Variants in WWOX observed in about 807,000 individuals in gnomAD.
WWOX encodes the protein WW domain-containing oxidoreductase.
WWOX carries 69 observed loss-of-function variants against 46.2 expected under a neutral mutation model. The ratio of observed to expected loss-of-function variants is 1.49; its 90% CI spans 1.23 to 1.82. The LOEUF is 1.82. Ranked by LOEUF, WWOX falls within the 40% of genes most tolerant of loss-of-function variation. WWOX has a pLI of 0.00. For missense variants in WWOX, 919 were observed against 542.6 expected, an observed-to-expected ratio of 1.69 and a Z score of -6.89; for synonymous variants, 359 against 202.6, an observed-to-expected ratio of 1.77 and a Z score of -6.56.
At chr16:78,578,254 T>TATATATATATATA (rs2044941404) in intron 8 of WWOX, among the ~76,000 whole-genome samples, 1 of 31,646 alleles carries the variant, frequency 3.2e-5, no homozygotes, top group Admixed American at 6.6e-4. Flanking sequence ...ATACCAAATT[T>TATATATATATATA]TATATATATA....
At chr16:78,939,334 T>G (rs1018161678) in intron 8 of WWOX, among the ~76,000 whole-genome samples, 1 of 152,196 alleles carries the variant, frequency 6.6e-6, no homozygotes, top group Non-Finnish European at 1.5e-5. Context: ...TGTGTGTCCC[T>G]TACAGATGAT....
At chr16:78,798,503 C>A (rs1015980444) in intron 8 of WWOX, among the ~76,000 whole-genome samples, 3 of 151,532 alleles carry the variant, frequency 2.0e-5, no homozygotes, top group African/African-American at 7.3e-5. Context: ...ACAGCCTGTA[C>A]TTGAGTCCTT....
intron 8 of WWOX, among the ~76,000 whole-genome samples, chr16:78,462,937 C>G (rs527630423): frequency 6.6e-6 from 1 of 152,184 alleles, no homozygotes; most frequent in Non-Finnish European, 1.5e-5. Context: ...CTACAGTAAC[C>G]TTTTCCCACC....
rs577236933 is a variant in WWOX, at chr16:78,193,347, A to G, written c.516+29058A>G. On this transcript the variant is annotated intron_variant, in intron 5 of 8. Coordinates refer to ENST00000566780, the MANE Select transcript of WWOX (RefSeq NM_016373.4). ...AAATAGCACTTCACAAATTTGTTTA[A>G]TGTTTTATCTCAAGCTCCCAGAAGT... 2.4e-3 allele frequency among the ~76,000 whole-genome samples: 365 copies of G among 152,320 alleles called. 1 individual carries two copies. The highest frequency in any genetic ancestry group is 7.3e-3 in the South Asian group (35 of 4,824).
intron 5 of WWOX, among the ~76,000 whole-genome samples, chr16:78,315,114 C>G (rs1284634089): frequency 6.6e-6 from 1 of 152,098 alleles, no homozygotes; most frequent in Non-Finnish European, 1.5e-5. Flanking sequence ...AATTTTGTCA[C>G]TTTTTCTTCT....
At chr16:78,621,833 C>A (rs113050154) in intron 8 of WWOX, among the ~76,000 whole-genome samples, 4,566 of 151,982 alleles carry the variant, frequency 0.03, 248 homozygotes, top group African/African-American at 0.11. Context: ...TCTCGATCTC[C>A]TGACCTCATG....
chr16:78,975,389 A>T (rs895089830), intron 8 of WWOX, among the ~76,000 whole-genome samples: 2 of 151,922 alleles, frequency 1.3e-5, no homozygotes, highest in African/African-American at 4.8e-5. Context: ...CCTTGCAACA[A>T]AATCTTACGT....
chr16:78,368,420 A>C (rs72796015), intron 5 of WWOX, among the ~76,000 whole-genome samples: 15 of 152,154 alleles, frequency 9.9e-5, no homozygotes, highest in African/African-American at 3.6e-4. Flanking sequence ...TCATAAAGTC[A>C]CTGCTGTCCT....
rs542251058 is a variant in WWOX at position 79,183,566 on chromosome 16, C to T, written c.1057-28042C>T. Among the ~76,000 whole-genome samples, 5 of 152,322 alleles carry T rather than the reference C, an allele frequency of 3.3e-5. No homozygotes were observed. In the East Asian group the frequency reaches 9.7e-4, roughly 29 times the overall value. ...TGTGCTAATTTACTGTATTCTTACT[C>T]TCCCTCTCCAGTGCTGTGAGTAAAT... is the stretch of plus-strand genomic sequence containing the variant. On this transcript the variant is annotated intron_variant, in intron 8 of 8. Transcript: ENST00000566780.
chr16:78,572,547 G>A (rs1472322641), intron 8 of WWOX, among the ~76,000 whole-genome samples: 3 of 136,292 alleles, frequency 2.2e-5, no homozygotes, highest in East Asian at 2.2e-4. Flanking sequence ...AGGCTGCAGT[G>A]AGCCATGATT....
intron 4 of WWOX, among the ~76,000 whole-genome samples, chr16:78,163,845 C>T (rs2034878724): frequency 6.6e-6 from 1 of 152,178 alleles, no homozygotes; most frequent in African/African-American, 2.4e-5. Context: ...ATGTCCCAGT[C>T]TTCATCTTTG....
rs1048495280 is a variant in WWOX at position 79,211,894 on chromosome 16, G to A, written c.*98G>A. The A allele has an allele frequency of 6.4e-7, 1 of 1,566,330 alleles. No homozygotes were observed. The highest frequency in any genetic ancestry group is 1.9e-5 in the Admixed American group (1 of 52,876). On this transcript the variant is annotated 3_prime_UTR_variant, in exon 9 of 9. Transcript: ENST00000566780. Reference sequence around the variant, plus strand: ...CCCTTCCAAATGTCCCTCCAACACAGATCCGCAAGAGTAAAGGAAATAAGA... The same window carrying A: ...CCCTTCCAAATGTCCCTCCAACACAAATCCGCAAGAGTAAAGGAAATAAGA...
rs566010974 is a variant in WWOX at position 78,919,898 on chromosome 16, T to C, written c.1057-291710T>C. On this transcript the variant is annotated intron_variant, in intron 8 of 8. Coordinates refer to ENST00000566780, the MANE Select transcript of WWOX (RefSeq NM_016373.4). ...GCAGACCAGTCTGTACAGTTGATTA[T>C]AGATATATTAATGACCACTTCTGAG... Among the ~76,000 whole-genome samples the C allele has an allele frequency of 2.8e-4, 43 of 152,296 alleles. No individual in the cohort carries two copies. The South Asian group carries it at 7.7e-3, about 27-fold the overall frequency.
At chr16:78,197,078 C>T (rs1427669983) in intron 5 of WWOX, among the ~76,000 whole-genome samples, 2 of 152,162 alleles carry the variant, frequency 1.3e-5, no homozygotes, top group African/African-American at 4.8e-5. Flanking sequence ...AGCTCTGCAC[C>T]AGACTCGTAT....
At chr16:78,491,558 G>A (rs970784496) in intron 8 of WWOX, among the ~76,000 whole-genome samples, 17 of 152,116 alleles carry the variant, frequency 1.1e-4, no homozygotes, top group South Asian at 6.2e-4. Flanking sequence ...CGCCTCCCAG[G>A]TTCAAGTGAT....
At chr16:78,369,634 A>G (rs571678969) in intron 5 of WWOX, among the ~76,000 whole-genome samples, 16 of 152,040 alleles carry the variant, frequency 1.1e-4, no homozygotes, top group Admixed American at 1.3e-4. Context: ...CATTTTCATT[A>G]CATACTGTTA....
At chr16:78,630,511 A>T (rs555078311) in intron 8 of WWOX, among the ~76,000 whole-genome samples, 1 of 152,232 alleles carries the variant, frequency 6.6e-6, no homozygotes, top group African/African-American at 2.4e-5. Context: ...TCCCTAATAC[A>T]TTTCTCTGGT....
rs75286814 is a variant in WWOX, at chr16:78,565,775, G to A, written c.1056+133023G>A. Reference sequence around the variant, plus strand: ...GATAACAATATCCTCCAGGCTATCCGCGGAAGTAGAGAATATAAGCTTTAT... The same window carrying A: ...GATAACAATATCCTCCAGGCTATCCACGGAAGTAGAGAATATAAGCTTTAT... On this transcript the variant is annotated intron_variant, in intron 8 of 8. Coordinates refer to ENST00000566780, the MANE Select transcript of WWOX (RefSeq NM_016373.4). Among the ~76,000 whole-genome samples, 815 of 152,230 alleles carry A rather than the reference G, an allele frequency of 5.4e-3. 9 individuals are homozygous for A. Among genetic ancestry groups the A allele is most frequent in the African/African-American group, 0.019 (775 of 41,522 alleles).
rs146090457 is a variant in WWOX at position 78,425,077 on chromosome 16, G to C, written c.791+22G>C. ...ATCGGTGGGTTTGAATTGCATATTT[G>C]TTCACTTATCCCCTTTCTCATACCA... On this transcript the variant is annotated intron_variant, in intron 7 of 8. Transcript: ENST00000566780. 30 of 1,612,280 alleles carry C rather than the reference G, an allele frequency of 1.9e-5. No individual in the cohort carries two copies. The South Asian group carries it at 3.1e-4, about 17-fold the overall frequency.
Sources: gnomAD v4.1 joint callset for allele counts (sites outside exome capture counted in the v4.1 genomes callset) on GRCh38, gnomAD v4.1.1 for gene constraint, MANE v1.5 for transcripts, NCBI Gene and HGNC (gene_info 2026-07-23, HGNC 2026-07-21) for gene names.